The following ROBO1 variants were observed in gnomAD, a reference collection of about 807,000 sequenced individuals.
The protein encoded by ROBO1 is roundabout homolog 1.
In ROBO1, 149 loss-of-function variants were observed where a neutral mutation model predicts 195.9. That is an observed-to-expected ratio of 0.76 (90% CI 0.67 to 0.87). The LOEUF (loss-of-function observed/expected upper bound fraction) is 0.87, where lower values mean the gene tolerates loss of function less well. ROBO1 is among the 40% of genes least tolerant of loss of function. The pLI is 0.00. For synonymous variants in ROBO1, 816 were observed against 733.2 expected (o/e 1.11, Z -1.82); for missense variants, 1,933 against 2,068.3 (o/e 0.93, Z 1.27).
intron 2 of ROBO1, among the ~76,000 whole-genome samples, chr3:79,390,557 G>C (rs1203341911): frequency 1.3e-5 from 2 of 152,174 alleles, no homozygotes. Flanking sequence ...TGGAAGCCAA[G>C]AGATGAATAC....
rs1707445646 is a variant in ROBO1 at position 78,662,077 on chromosome 3, C to G, written c.2004G>C (p.Gln668His). The change falls in exon 15 of 31, where the codon CAG (glutamine) becomes CAC (histidine). Residue 668 changes from glutamine to histidine, a missense_variant. This residue lies in a region of ROBO1 where 1,737 missense variants were observed against 1,882.5 expected (regional missense o/e 0.92). Coordinates refer to ENST00000464233, the MANE Select transcript of ROBO1 (RefSeq NM_002941.4). The stretch of plus-strand genomic sequence containing the variant: ...CAGCATTTCCCAGCTCTCTCTGGAC[C>G]TGCTTGTGGTCCACCCCCTGACTTG... ...LPTSQGVDHK[Q>H]VQRELGNAVL... 6.3e-7 allele frequency: 1 copy of G among 1,577,454 alleles called. No individual in the cohort carries two copies.
At chr3:79,237,169 T>C (rs1247508616) in intron 2 of ROBO1, among the ~76,000 whole-genome samples, 1 of 152,104 alleles carries the variant, frequency 6.6e-6, no homozygotes, top group Non-Finnish European at 1.5e-5. Flanking sequence ...TTGGTGATAA[T>C]GTTCTTGAAA....
chr3:78,772,746 C>T (rs957391494), intron 4 of ROBO1, among the ~76,000 whole-genome samples: 1 of 151,980 alleles, frequency 6.6e-6, no homozygotes, highest in East Asian at 1.9e-4. Context: ...AAAAACCTGA[C>T]ATTTAGTATG....
chr3:78,891,455 C>T (rs1010886531), intron 4 of ROBO1, among the ~76,000 whole-genome samples: 1 of 152,106 alleles, frequency 6.6e-6, no homozygotes, highest in East Asian at 1.9e-4. Flanking sequence ...AGAATGATGA[C>T]ACCATGGATG....
chr3:79,116,523 CT>C (rs940377398), intron 3 of ROBO1, among the ~76,000 whole-genome samples: 1 of 123,292 alleles, frequency 8.1e-6, no homozygotes, highest in African/African-American at 3.0e-5. Flanking sequence ...TTCTCTCTTT[CT>C]TCTTTTTTTT....
chr3:79,313,942 G>T (rs2033612477), intron 2 of ROBO1, among the ~76,000 whole-genome samples: 2 of 152,132 alleles, frequency 1.3e-5, no homozygotes, highest in Admixed American at 6.5e-5. Flanking sequence ...ATACATGAGG[G>T]TATAGAGTTG....
intron 2 of ROBO1, among the ~76,000 whole-genome samples, chr3:79,484,755 C>CTTTTTTTTTTTTT (rs1158213253): frequency 0.06 from 3,991 of 66,696 alleles, 1,378 homozygotes; most frequent in East Asian, 0.18. Flanking sequence ...ATTGCACTAT[C>CTTTTTTTTTTTTT]TTTTTTTTTT....
At chr3:78,719,937 T>C (rs1319885309) in intron 5 of ROBO1, among the ~76,000 whole-genome samples, 1 of 152,164 alleles carries the variant, frequency 6.6e-6, no homozygotes, top group Non-Finnish European at 1.5e-5. Flanking sequence ...TTATCTTATG[T>C]TTCATAAAGT....
intron 2 of ROBO1, among the ~76,000 whole-genome samples, chr3:79,242,277 A>T (rs2082533441): frequency 6.6e-6 from 1 of 152,128 alleles, no homozygotes. Context: ...ATATGAAAAA[A>T]AAAAAAATTC....
At chr3:78,892,314 T>A (rs1031788621) in intron 4 of ROBO1, among the ~76,000 whole-genome samples, 4 of 152,180 alleles carry the variant, frequency 2.6e-5, no homozygotes, top group Non-Finnish European at 5.9e-5. Context: ...CCACCCCATC[T>A]GTGGAAAAGT....
intron 2 of ROBO1, among the ~76,000 whole-genome samples, chr3:79,489,224 C>A (rs1254235872): frequency 6.6e-6 from 1 of 151,744 alleles, no homozygotes; most frequent in Admixed American, 6.6e-5. Flanking sequence ...GAATTCGAAA[C>A]TATTTAGCTA....
chr3:78,908,232 C>T (rs1316544107), intron 4 of ROBO1, among the ~76,000 whole-genome samples: 1 of 151,922 alleles, frequency 6.6e-6, no homozygotes, highest in Non-Finnish European at 1.5e-5. Context: ...CCCAGACTCA[C>T]AACACTCCCT....
chr3:79,238,112 C>G (rs1215453698), intron 2 of ROBO1, among the ~76,000 whole-genome samples: 1 of 152,088 alleles, frequency 6.6e-6, no homozygotes, highest in African/African-American at 2.4e-5. Context: ...AAAAGAGCCA[C>G]AATCAAGGAA....
chr3:79,649,396 C>A (rs1229062923), intron 1 of ROBO1, among the ~76,000 whole-genome samples: 1 of 151,576 alleles, frequency 6.6e-6, no homozygotes, highest in Admixed American at 6.6e-5. Flanking sequence ...GCAAAATAAA[C>A]CTGAAGCGAT....
intron 1 of ROBO1, among the ~76,000 whole-genome samples, chr3:79,718,066 G>C (rs1702558493): frequency 6.6e-6 from 1 of 151,906 alleles, no homozygotes; most frequent in African/African-American, 2.4e-5. Context: ...GGAGTTTCAG[G>C]GGATTGTAGT....
chr3:79,006,769 A>C (rs1375044914), intron 3 of ROBO1, among the ~76,000 whole-genome samples: 2 of 151,766 alleles, frequency 1.3e-5, no homozygotes, highest in African/African-American at 2.4e-5. Flanking sequence ...AAAAAAAAAA[A>C]AAAAAAACAG....
chr3:78,754,442 G>A (rs903082898), intron 4 of ROBO1, among the ~76,000 whole-genome samples: 4 of 152,156 alleles, frequency 2.6e-5, no homozygotes, highest in African/African-American at 4.8e-5. Flanking sequence ...AACTTTTTAT[G>A]TAGCCTTGCA....
chr3:79,097,463 A>G (rs1039268718), intron 3 of ROBO1, among the ~76,000 whole-genome samples: 5 of 151,796 alleles, frequency 3.3e-5, no homozygotes, highest in Non-Finnish European at 5.9e-5. Flanking sequence ...ACAAAATAAG[A>G]AAGTCTGAAC....
chr3:79,433,721 C>G (rs1214994171), intron 2 of ROBO1, among the ~76,000 whole-genome samples: 1 of 152,026 alleles, frequency 6.6e-6, no homozygotes, highest in Non-Finnish European at 1.5e-5. Context: ...CATGTGGATC[C>G]AAAAAAGAGC....
Sources: gnomAD v4.1 joint callset for allele counts (sites outside exome capture counted in the v4.1 genomes callset) on GRCh38, gnomAD v4.1.1 for gene constraint, gnomAD v4.1.1 regional missense constraint, MANE v1.5 for transcripts, NCBI Gene and HGNC (gene_info 2026-07-23, HGNC 2026-07-21) for gene names.